BACH2: variants seen among roughly 807,000 people sequenced by gnomAD.
BACH2 encodes BACH transcriptional regulator 2, also known as transcription regulator protein BACH2.
A neutral mutation model predicts 61.8 loss-of-function variants in BACH2; 5 were observed. That is an observed-to-expected ratio of 0.08 (90% CI 0.04 to 0.17). The LOEUF is 0.17. Among genes scored for constraint, BACH2 ranks in the 10% least tolerant of loss-of-function variants. BACH2 has a pLI of 1.00. For missense variants in BACH2, 824 were observed against 1,091.1 expected (o/e 0.76, Z 3.45); for synonymous variants, 446 against 440.1 (o/e 1.01, Z -0.17).
At chr6:90,239,566 T>C (rs1174101581) in intron 3 of BACH2, among the ~76,000 whole-genome samples, 1 of 152,196 alleles carries the variant, frequency 6.6e-6, no homozygotes, top group Non-Finnish European at 1.5e-5. Context: ...TTAAAAATTA[T>C]TTATGTATGC....
chr6:90,149,691 T>C (rs990616157), intron 4 of BACH2, among the ~76,000 whole-genome samples: 2 of 152,194 alleles, frequency 1.3e-5, no homozygotes, highest in East Asian at 3.8e-4. Context: ...AAAAATCCAA[T>C]TGCTGGATAT....
chr6:90,029,839 A>G (rs1380595390), intron 5 of BACH2, among the ~76,000 whole-genome samples: 1 of 152,084 alleles, frequency 6.6e-6, no homozygotes, highest in Non-Finnish European at 1.5e-5. Flanking sequence ...CAGAAAACTT[A>G]CTCCATTCTA....
chr6:90,257,518 T>C (rs1412676079), intron 2 of BACH2, among the ~76,000 whole-genome samples: 3 of 152,242 alleles, frequency 2.0e-5, no homozygotes, highest in Admixed American at 1.3e-4. Context: ...GTGTCTTCTT[T>C]AGAAAAATGT....
At chr6:90,274,610 A>G (rs1771634023) in intron 1 of BACH2, among the ~76,000 whole-genome samples, 1 of 152,224 alleles carries the variant, frequency 6.6e-6, no homozygotes. Context: ...CAGAGGAAGC[A>G]GACAACCCCC....
chr6:90,248,005 T>C (rs1402624222), intron 3 of BACH2, among the ~76,000 whole-genome samples: 6 of 152,238 alleles, frequency 3.9e-5, no homozygotes, highest in Admixed American at 6.5e-5. Context: ...GAGTATATCA[T>C]AGGTGCTCAA....
rs576225753 is a variant in BACH2, at chr6:89,950,520, G to A, written c.1586C>T (p.Ala529Val). 23 of 1,613,520 alleles carry A rather than the reference G, an allele frequency of 1.4e-5. No homozygotes were observed. The highest frequency in any genetic ancestry group is 3.3e-5 in the Admixed American group (2 of 59,990). Residue 529 changes from alanine to valine, a missense_variant, in exon 7 of 9, where the codon GCG becomes GTG. Physicochemically the swap from Ala to Val is moderately conservative, Grantham distance 64. Coordinates refer to ENST00000257749, the MANE Select transcript of BACH2 (RefSeq NM_021813.4). The surrounding 1 kb of genome is among the most constrained non-coding windows in gnomAD (Gnocchi z 5.3). ...GGGTGAGCCCCCGCTCCCGTCCTCC[G>A]CGTAGGAATAGGAAGAGCAGGAGCT... The part of the protein sequence containing the change: ...TSSSCSSYSY[A>V]EDGSGGSPCS...
chr6:90,223,069 TTCC>T (rs1335637828), intron 3 of BACH2, among the ~76,000 whole-genome samples: 1 of 152,228 alleles, frequency 6.6e-6, no homozygotes, highest in Non-Finnish European at 1.5e-5. Context: ...CCACTTCCCC[TTCC>T]TTGTCCAGTG....
At chr6:89,956,547 G>A (rs908527557) in intron 6 of BACH2, among the ~76,000 whole-genome samples, 2 of 152,172 alleles carry the variant, frequency 1.3e-5, no homozygotes, top group East Asian at 1.9e-4. Flanking sequence ...AAAGGAAGAT[G>A]GGCTGATGAA....
chr6:89,939,656 C>CTTTTTTTTTTTT (rs71298713), intron 7 of BACH2, among the ~76,000 whole-genome samples: 1 of 82,628 alleles, frequency 1.2e-5, no homozygotes, highest in Non-Finnish European at 2.2e-5. Context: ...GCTTATATTT[C>CTTTTTTTTTTTT]TTTTTTTTTT....
chr6:89,991,981 A>T (rs1363191891), intron 6 of BACH2, among the ~76,000 whole-genome samples: 2 of 152,098 alleles, frequency 1.3e-5, no homozygotes, highest in African/African-American at 4.8e-5. Context: ...TAAATTTTTA[A>T]GTCTGCTGAT....
At chr6:90,010,017 A>C (rs1455910664) in intron 5 of BACH2, among the ~76,000 whole-genome samples, 3 of 152,210 alleles carry the variant, frequency 2.0e-5, no homozygotes, top group African/African-American at 7.2e-5. Flanking sequence ...ATAGTTACAT[A>C]GTTTTTCTGT....
intron 6 of BACH2, among the ~76,000 whole-genome samples, chr6:89,957,155 G>A (rs1232905647): frequency 6.6e-6 from 1 of 152,182 alleles, no homozygotes; most frequent in African/African-American, 2.4e-5. Context: ...GTCAAATGAT[G>A]AAAGCAATGC....
intron 1 of BACH2, among the ~76,000 whole-genome samples, chr6:90,293,883 T>C (rs1772256933): frequency 6.6e-6 from 1 of 152,150 alleles, no homozygotes; most frequent in South Asian, 2.1e-4. Context: ...ATTAAGCCCC[T>C]TACACAGCAG....
intron 3 of BACH2, among the ~76,000 whole-genome samples, chr6:90,231,400 T>C (rs1770091797): frequency 6.6e-6 from 1 of 152,176 alleles, no homozygotes; most frequent in Admixed American, 6.5e-5. Context: ...CAATGTCATT[T>C]CTACTTGACC....
intron 3 of BACH2, among the ~76,000 whole-genome samples, chr6:90,216,857 T>C (rs1353261512): frequency 6.6e-6 from 1 of 152,016 alleles, no homozygotes; most frequent in African/African-American, 2.4e-5. Context: ...GTGAGACCAA[T>C]GATGCTACTG....
intron 1 of BACH2, among the ~76,000 whole-genome samples, chr6:90,272,302 G>A (rs1051782368): frequency 2.0e-5 from 3 of 150,270 alleles, no homozygotes; most frequent in Admixed American, 6.7e-5. Context: ...CTCCTGCTTC[G>A]CCTGTTTCTT....
intron 6 of BACH2, among the ~76,000 whole-genome samples, chr6:89,975,357 C>G (rs1456362586): frequency 6.6e-6 from 1 of 152,178 alleles, no homozygotes; most frequent in Non-Finnish European, 1.5e-5. Context: ...ACTTTATTAA[C>G]TTTTTTAGAT....
chr6:89,974,609 T>C (rs1775550614), intron 6 of BACH2, among the ~76,000 whole-genome samples: 1 of 152,194 alleles, frequency 6.6e-6, no homozygotes. Context: ...TTGCTGCCAA[T>C]TAAAGGGCAC....
intron 5 of BACH2, among the ~76,000 whole-genome samples, chr6:90,083,595 T>C (rs1246392167): frequency 1.3e-5 from 2 of 152,188 alleles, no homozygotes; most frequent in Non-Finnish European, 2.9e-5. Flanking sequence ...AATACATAGG[T>C]TCATAAAATG....
Sources: gnomAD v4.1 joint callset for allele counts (sites outside exome capture counted in the v4.1 genomes callset) on GRCh38, gnomAD v4.1.1 for gene constraint, Gnocchi (gnomAD v3.1) non-coding constraint, MANE v1.5 for transcripts, NCBI Gene and HGNC (gene_info 2026-07-23, HGNC 2026-07-21) for gene names.